SLC36A4: variants seen among roughly 807,000 people sequenced by gnomAD.
SLC36A4 encodes the protein neutral amino acid uniporter 4.
A neutral mutation model predicts 50.5 loss-of-function variants in SLC36A4; 49 were observed. That is an observed-to-expected ratio of 0.97 (90% CI 0.77 to 1.23). The LOEUF (loss-of-function observed/expected upper bound fraction) is 1.23, where lower values mean the gene tolerates loss of function less well. SLC36A4 is among the 50% of genes most tolerant of loss of function. The pLI, the probability that SLC36A4 is intolerant of heterozygous loss-of-function variation, is 0.00. For missense variants in SLC36A4, 611 were observed against 608.4 expected, an observed-to-expected ratio of 1.00 and a Z score of -0.05; for synonymous variants, 207 against 206.5, an observed-to-expected ratio of 1.00 and a Z score of -0.02.
intron 9 of SLC36A4, among the ~76,000 whole-genome samples, chr11:93,157,788 A>C (rs1452387212): frequency 6.6e-6 from 1 of 152,160 alleles, no homozygotes; most frequent in Non-Finnish European, 1.5e-5. Flanking sequence ...GGTTTTCGAG[A>C]TATAGGATCA....
intron 9 of SLC36A4, among the ~76,000 whole-genome samples, chr11:93,159,001 T>A (rs1860496061): frequency 6.6e-6 from 1 of 152,098 alleles, no homozygotes; most frequent in African/African-American, 2.4e-5. Flanking sequence ...TCTCTGTATA[T>A]CCCTTCAATG....
chr11:93,186,649 T>C (rs1007560274), intron 1 of SLC36A4, among the ~76,000 whole-genome samples: 1 of 152,204 alleles, frequency 6.6e-6, no homozygotes, highest in Non-Finnish European at 1.5e-5. Flanking sequence ...TCATGTTTAG[T>C]TGTATTCTTT....
intron 3 of SLC36A4, among the ~76,000 whole-genome samples, chr11:93,183,164 T>A (rs975382428): frequency 2.2e-4 from 33 of 152,122 alleles, no homozygotes; most frequent in African/African-American, 7.0e-4. Flanking sequence ...GAACACAAGA[T>A]CATATTTAAC....
rs181465105 is a variant in SLC36A4 at position 93,167,629 on chromosome 11, G to A, written c.768+315C>T. 119 of 249,296 alleles carry A rather than the reference G, an allele frequency of 4.8e-4. 4 individuals are homozygous for A. In the South Asian group the frequency reaches 7.5e-3, roughly 16 times the overall value. The allele number at this position is 249,296 out of a possible 1,614,324, so 15.4% of individuals were successfully genotyped here. ...AGTACCTGGTTTCATGTTTGGCACT[G>A]TACTAAGAACACAATCCTAAGTCTC... On this transcript the variant is annotated intron_variant, in intron 7 of 10. Coordinates refer to ENST00000326402, the MANE Select transcript of SLC36A4 (RefSeq NM_152313.4).
rs1472281270 is a variant in SLC36A4 at position 93,145,527 on chromosome 11, G to A, written c.*3010C>T. 1 of 152,098 alleles carries A rather than the reference G, an allele frequency of 6.6e-6. No homozygotes were observed. The highest frequency in any genetic ancestry group is 1.9e-4 in the East Asian group (1 of 5,176). The allele number at this position is 152,098 out of a possible 1,614,324, so 9.4% of individuals were successfully genotyped here. The stretch of plus-strand genomic sequence containing the variant: ...CGTCTGAGAACCAGTGTTTTGACAA[G>A]TTGACTCTGATACTGATGAAACTCT... On this transcript the variant is annotated 3_prime_UTR_variant, in exon 11 of 11. Coordinates refer to ENST00000326402, the MANE Select transcript of SLC36A4 (RefSeq NM_152313.4).
intron 10 of SLC36A4, 73 bp from the exon 11 acceptor site, chr11:93,148,917 T>C (rs1185211370): frequency 7.8e-7 from 1 of 1,285,718 alleles, no homozygotes; most frequent in Non-Finnish European, 1.1e-6. Context: ...CAGTAAGTAT[T>C]TTCAATACTG....
rs1861964635 is a variant in SLC36A4 at position 93,185,880 on chromosome 11, GA to G, written c.56-67del. The G allele has an allele frequency of 9.2e-6, 13 of 1,407,574 alleles. No individual in the cohort carries two copies. The South Asian group carries it at 1.9e-4, about 21-fold the overall frequency. The allele number at this position is 1,407,574 out of a possible 1,614,324, so 87.2% of individuals were successfully genotyped here. A position where few individuals can be genotyped will look rare whatever the true frequency, so the allele number is the denominator to read the frequency against. ...AAAGTTGGATAAAGCTGGTATAAAT[GA>G]ATTTCAAAATATTAGGAAACACCAT... On this transcript the variant is annotated intron_variant, in intron 1 of 10. Transcript: ENST00000326402.
chr11:93,185,391 T>G (rs901037164), intron 2 of SLC36A4: 1 of 216,486 alleles, frequency 4.6e-6, no homozygotes, highest in African/African-American at 2.3e-5. Context: ...TAAAGAAGCA[T>G]GTACTACCTC....
At position 93,181,718 on chromosome 11, in the gene SLC36A4, C is replaced by A; in HGVS notation, c.428G>T (p.Cys143Phe). The change falls in exon 5 of 11, where the codon TGT becomes TTT. Residue 143 changes from cysteine to phenylalanine, a missense_variant. By Grantham distance (205) the Cys-to-Phe change is radical. Transcript: ENST00000326402. ...SFAMEVSPWS[C>F]LQKQAAWGRS... ...CCCCCATGCTGCTTGCTTCTGAAGA[C>A]AACTCCAAGGACTCACTTCCATAGC... 1 of 1,540,166 alleles carries A rather than the reference C, an allele frequency of 6.5e-7. No homozygotes were observed. The highest frequency in any genetic ancestry group is 1.2e-5 in the South Asian group (1 of 82,116).
chr11:93,192,692 C>T (rs1373071027), intron 1 of SLC36A4, among the ~76,000 whole-genome samples: 1 of 152,052 alleles, frequency 6.6e-6, no homozygotes, highest in Non-Finnish European at 1.5e-5. Flanking sequence ...TGAAATGCAG[C>T]ATGTATTTTA....
chr11:93,183,026 A>C, intron 3 of SLC36A4, 132 bp from the exon 4 acceptor site: 1 of 609,294 alleles, frequency 1.6e-6, no homozygotes, highest in Non-Finnish European at 2.9e-6. Context: ...TCATTGCATA[A>C]GGGAAAACTA....
At chr11:93,184,306 C>A (rs11020191) in intron 3 of SLC36A4, 124 bp downstream of exon 3, 126,799 of 681,534 alleles carry the variant, frequency 0.19, 14,900 homozygotes, top group East Asian at 0.42. Flanking sequence ...TTTATCAAGA[C>A]AACATCTAAA....
In SLC36A4 at chr11:93,161,241, C is replaced by T. The variant is rs535324646; in HGVS notation, c.1037+1465G>A. ...ACTACCATATTTTTAGCTTGATTCTCTTATACTAAGCTGTTTAAGCTTGAA... is the reference window on the plus strand; with the variant it reads ...ACTACCATATTTTTAGCTTGATTCTTTTATACTAAGCTGTTTAAGCTTGAA... On this transcript the variant is annotated intron_variant, in intron 9 of 10. Coordinates refer to ENST00000326402, the MANE Select transcript of SLC36A4 (RefSeq NM_152313.4). 1.6e-4 allele frequency among the ~76,000 whole-genome samples: 25 copies of T among 152,206 alleles called. No homozygotes were observed. In the South Asian group the frequency reaches 4.8e-3, roughly 29 times the overall value.
rs371527871 is a variant in SLC36A4 at position 93,168,079 on chromosome 11, T to C, written c.633A>G (p.Ile211Met). ...PCERRSVDLR[I>M]YMLCFLPFII... Reference sequence around the variant, plus strand: ...TAAATGGAAGAAAGCAAAGCATATATATCCTTAGGTCAACACTTCTTCTCT... The same window carrying C: ...TAAATGGAAGAAAGCAAAGCATATACATCCTTAGGTCAACACTTCTTCTCT... The change falls in exon 7 of 11, where the codon ATA (isoleucine) becomes ATG (methionine). Residue 211 changes from isoleucine (I) to methionine (M), a missense_variant. Ile to Met is a conservative substitution (Grantham distance 10). Transcript: ENST00000326402. 6.2e-7 allele frequency: 1 copy of C among 1,612,346 alleles called. No homozygotes were observed. Among genetic ancestry groups the C allele is most frequent in the South Asian group, 1.1e-5 (1 of 90,984 alleles).
intron 1 of SLC36A4, chr11:93,193,121 C>T (rs1862281425): frequency 3.0e-6 from 2 of 661,470 alleles, no homozygotes; most frequent in Non-Finnish European, 3.7e-6. Flanking sequence ...CAATCTTTGA[C>T]AAAAATTAGA....
rs1214529482 is a variant in SLC36A4 at position 93,147,753 on chromosome 11, C to T, written c.*784G>A. ...AAATAAAACATCCTGGCCTGGGAGT[C>T]AGAAGATTAGGTTTTCTTGATCTCA... On this transcript the variant is annotated 3_prime_UTR_variant, in exon 11 of 11. Transcript: ENST00000326402. 6.6e-6 allele frequency: 1 copy of T among 152,092 alleles called. No individual in the cohort carries two copies. Among genetic ancestry groups the T allele is most frequent in the African/African-American group, 2.4e-5 (1 of 41,448 alleles). The allele number at this position is 152,092 out of a possible 1,614,324, so 9.4% of individuals were successfully genotyped here. A position where few individuals can be genotyped will look rare whatever the true frequency, so the allele number is the denominator to read the frequency against.
chr11:93,177,962 C>A (rs1308666863), intron 6 of SLC36A4, among the ~76,000 whole-genome samples: 1 of 152,190 alleles, frequency 6.6e-6, no homozygotes, highest in Non-Finnish European at 1.5e-5. Context: ...CTATGCCCTG[C>A]CCCCAGAGGT....
At chr11:93,185,003 A>T (rs1861919802) in intron 2 of SLC36A4, among the ~76,000 whole-genome samples, 2 of 152,082 alleles carry the variant, frequency 1.3e-5, no homozygotes, top group South Asian at 4.2e-4. Context: ...AAGTTAATTT[A>T]AAAAAAATAC....
rs1244046281 is a variant in SLC36A4, at chr11:93,144,843, CAG to C, written c.*3692_*3693del. 6.6e-6 allele frequency: 1 copy of C among 152,028 alleles called. No homozygotes were observed. The highest frequency in any genetic ancestry group is 1.5e-5 in the Non-Finnish European group (1 of 67,956). The allele number at this position is 152,028 out of a possible 1,614,324, so 9.4% of individuals were successfully genotyped here. ...GGGAAGCTAGGTGAGCCAAAAAGAT[CAG>C]ACTCATTTTTTAAAAAGTCATTATT... On this transcript the variant is annotated 3_prime_UTR_variant, in exon 11 of 11. Coordinates refer to ENST00000326402, the MANE Select transcript of SLC36A4 (RefSeq NM_152313.4).
Sources: gnomAD v4.1 joint callset for allele counts (sites outside exome capture counted in the v4.1 genomes callset) on GRCh38, gnomAD v4.1.1 for gene constraint, MANE v1.5 for transcripts, NCBI Gene and HGNC (gene_info 2026-07-23, HGNC 2026-07-21) for gene names.